Variants in NCKAP1L observed in about 807,000 individuals in gnomAD.
NCKAP1L encodes the protein nck-associated protein 1-like.
NCKAP1L carries 53 observed loss-of-function variants against 139.2 expected under a neutral mutation model. The observed-to-expected ratio is 0.38, with a 90% confidence interval of 0.31 to 0.48. The LOEUF (loss-of-function observed/expected upper bound fraction) is 0.48. NCKAP1L is among the 20% of genes least tolerant of loss of function. The probability of loss-of-function intolerance (pLI) is 0.98; values close to 1 mark genes in which losing one functional copy is unlikely to be tolerated. For missense variants in NCKAP1L, 1,151 were observed against 1,381.9 expected (o/e 0.83, Z 2.65); for synonymous variants, 468 against 499.7 (o/e 0.94, Z 0.85).
chr12:54,506,796 A>AAAAAATATAT, intron 3 of NCKAP1L, among the ~76,000 whole-genome samples: 1,430 of 50,564 alleles, frequency 0.028, 42 homozygotes, highest in Middle Eastern at 0.045. Context: ...AAAAAAAAAA[A>AAAAAATATAT]ATATATATAT....
At chr12:54,532,047 G>A in intron 25 of NCKAP1L, 123 bp from the exon 26 acceptor site, 1 of 832,304 alleles carries the variant, frequency 1.2e-6, no homozygotes, top group Non-Finnish European at 1.8e-6. Context: ...GGGATGGCTT[G>A]GAAAGCTGGC....
intron 27 of NCKAP1L, among the ~76,000 whole-genome samples, chr12:54,535,701 C>T (rs190621173): frequency 5.4e-4 from 82 of 152,318 alleles, no homozygotes; most frequent in Non-Finnish European, 8.4e-4. Context: ...TTCAGTCATA[C>T]CTATACACAC....
Position 54,517,021 on chromosome 12 carries a change from T to A in NCKAP1L, c.1095+29T>A, listed in dbSNP as rs1956938413. The A allele has an allele frequency of 6.4e-6, 10 of 1,573,238 alleles. No homozygotes were observed. In the East Asian group the frequency reaches 2.3e-4, roughly 36 times the overall value. On this transcript the variant is annotated intron_variant, in intron 11 of 30. Coordinates refer to ENST00000293373, the MANE Select transcript of NCKAP1L (RefSeq NM_005337.5). ...AGAGGAAGAAATGTTGGGAGGGGAA[T>A]GATGGCCAGTGATAAGAGACTGTGT...
At chr12:54,525,250 C>G (rs571251633) in intron 20 of NCKAP1L, among the ~76,000 whole-genome samples, 1 of 152,326 alleles carries the variant, frequency 6.6e-6, no homozygotes, top group East Asian at 1.9e-4. Flanking sequence ...ATATTTTACT[C>G]TGGCTACATT....
rs558833123 is a variant in NCKAP1L at position 54,543,987 on chromosome 12, C to T, written c.*1302C>T. The T allele has an allele frequency of 6.6e-6, 1 of 152,136 alleles. No homozygotes were observed. The highest frequency in any genetic ancestry group is 1.5e-5 in the Non-Finnish European group (1 of 68,032). The allele number at this position is 152,136 out of a possible 1,614,324, so 9.4% of individuals were successfully genotyped here. A position where few individuals can be genotyped will look rare whatever the true frequency, so the allele number is the denominator to read the frequency against. ...AAAAACGATTCAGCCTTCCTGAAGC[C>T]TATTTGATAGCTGTTTTGGGGTTTT... On this transcript the variant is annotated 3_prime_UTR_variant, in exon 31 of 31. Coordinates refer to ENST00000293373, the MANE Select transcript of NCKAP1L (RefSeq NM_005337.5).
chr12:54,511,705 C>A, intron 7 of NCKAP1L, 98 bp from the exon 8 acceptor site: 2 of 1,391,210 alleles, frequency 1.4e-6, no homozygotes, highest in Admixed American at 2.0e-5. Flanking sequence ...CCACCCCTTG[C>A]CAAAAGTTAG....
At chr12:54,523,285 C>A in intron 18 of NCKAP1L, 109 bp from the exon 19 acceptor site, 1 of 1,277,022 alleles carries the variant, frequency 7.8e-7, no homozygotes, top group Non-Finnish European at 1.1e-6. Context: ...GAGAGGAAGG[C>A]AGAAAGATAA....
chr12:54,506,127 T>G (rs1956837753), intron 3 of NCKAP1L, among the ~76,000 whole-genome samples: 1 of 152,208 alleles, frequency 6.6e-6, no homozygotes, highest in African/African-American at 2.4e-5. Flanking sequence ...TTCATTTCAC[T>G]TGGGTAAATC....
intron 3 of NCKAP1L, among the ~76,000 whole-genome samples, chr12:54,506,537 G>A (rs898007604): frequency 2.7e-5 from 4 of 150,354 alleles, no homozygotes; most frequent in African/African-American, 7.3e-5. Context: ...AACAATTCTC[G>A]TGCCTCAGCC....
chr12:54,498,900 GCTTTT>G (rs1272503896), intron 1 of NCKAP1L: 13 of 300,632 alleles, frequency 4.3e-5, no homozygotes, highest in Non-Finnish European at 5.6e-5. Flanking sequence ...CTACTCTTAT[GCTTTT>G]TATTTTTATA....
At chr12:54,511,525 T>C (rs1956889969) in intron 7 of NCKAP1L, among the ~76,000 whole-genome samples, 1 of 152,202 alleles carries the variant, frequency 6.6e-6, no homozygotes, top group Non-Finnish European at 1.5e-5. Context: ...TCCTATCTCC[T>C]CCTCCTGAGT....
At chr12:54,515,644 A>T (rs1956924141) in intron 9 of NCKAP1L, among the ~76,000 whole-genome samples, 1 of 152,122 alleles carries the variant, frequency 6.6e-6, no homozygotes, top group African/African-American at 2.4e-5. Context: ...AAATAAGCAG[A>T]ATTCGGTGGA....
At position 54,546,050 on chromosome 12, in the gene NCKAP1L, C is replaced by T. The variant is rs1212671444; in HGVS notation, c.*3365C>T. The T allele has an allele frequency of 6.6e-6, 1 of 152,162 alleles. No homozygotes were observed. The highest frequency in any genetic ancestry group is 2.1e-4 in the South Asian group (1 of 4,816). 9.4% of individuals were successfully genotyped at this position (152,162 alleles called of 1,614,324 possible). On this transcript the variant is annotated 3_prime_UTR_variant, in exon 31 of 31. Coordinates refer to ENST00000293373, the MANE Select transcript of NCKAP1L (RefSeq NM_005337.5). ...ACCACTCTGGGCAACACAGTGAAAC[C>T]CTGTCTCTCCAAAAATACAAAAAAT...
At chr12:54,502,413 C>A (rs1956805328) in intron 3 of NCKAP1L, among the ~76,000 whole-genome samples, 2 of 152,096 alleles carry the variant, frequency 1.3e-5, no homozygotes, top group South Asian at 4.1e-4. Flanking sequence ...TTTATACAAA[C>A]CTACTGTAAA....
chr12:54,522,165 C>A (rs1333396441), intron 18 of NCKAP1L, among the ~76,000 whole-genome samples: 1 of 151,976 alleles, frequency 6.6e-6, no homozygotes, highest in African/African-American at 2.4e-5. Flanking sequence ...TGGGGAATGT[C>A]CCAGTTTAAG....
intron 27 of NCKAP1L, 135 bp from the exon 28 acceptor site, chr12:54,535,994 C>T: frequency 1.5e-6 from 1 of 656,794 alleles, no homozygotes; most frequent in Non-Finnish European, 2.7e-6. Context: ...TGCCCATAGG[C>T]TTTATAAAGT....
intron 5 of NCKAP1L, 95 bp downstream of exon 5, chr12:54,508,626 T>G: frequency 1.6e-6 from 2 of 1,287,566 alleles, no homozygotes; most frequent in Non-Finnish European, 2.2e-6. Context: ...CCATGATTTC[T>G]TATATGAGAA....
chr12:54,521,374 T>C lies in NCKAP1L; in HGVS notation c.1878+136T>C, dbSNP rs952303938. 8 of 1,218,006 alleles carry C rather than the reference T, an allele frequency of 6.6e-6. No homozygotes were observed. In the African/African-American group the frequency reaches 7.6e-5, roughly 12 times the overall value. 75.4% of individuals were successfully genotyped at this position (1,218,006 alleles called of 1,614,324 possible). A position where few individuals can be genotyped will look rare whatever the true frequency, so the allele number is the denominator to read the frequency against. On this transcript the variant is annotated intron_variant, in intron 18 of 30. Coordinates refer to ENST00000293373, the MANE Select transcript of NCKAP1L (RefSeq NM_005337.5). ...AAGTAGGGCTAGGGCCTTTCTGTAC[T>C]TGAGTTTATGGCAGAATTCTTTTCT... is the stretch of plus-strand genomic sequence containing the variant.
At chr12:54,505,495 C>T (rs1956832765) in intron 3 of NCKAP1L, among the ~76,000 whole-genome samples, 1 of 151,502 alleles carries the variant, frequency 6.6e-6, no homozygotes, top group Non-Finnish European at 1.5e-5. Flanking sequence ...ACTTCTGGCC[C>T]CAGGCAACCA....
Sources: allele counts gnomAD v4.1 joint callset (sites outside exome capture counted in the v4.1 genomes callset), GRCh38; gene constraint gnomAD v4.1.1; transcripts MANE v1.5; gene names NCBI Gene and HGNC (gene_info 2026-07-23, HGNC 2026-07-21).